Variants in ETV6 observed in about 807,000 individuals in gnomAD.
The protein encoded by ETV6 is transcription factor ETV6.
Under a neutral mutation model 51.1 loss-of-function variants are expected in ETV6, and 16 were observed. That is an observed-to-expected ratio of 0.31 (90% CI 0.21 to 0.48). The LOEUF is 0.48. ETV6 is among the 20% of genes least tolerant of loss of function. The pLI is 0.99. For missense variants in ETV6, 458 were observed against 594.8 expected, an observed-to-expected ratio of 0.77 and a Z score of 2.39; for synonymous variants, 240 against 224.1, an observed-to-expected ratio of 1.07 and a Z score of -0.64.
chr12:11,794,711 G>C (rs1428780749), intron 2 of ETV6, among the ~76,000 whole-genome samples: 2 of 152,148 alleles, frequency 1.3e-5, no homozygotes, highest in Non-Finnish European at 2.9e-5. Context: ...TCAGATTTGT[G>C]GGGATTAGTA....
chr12:11,809,334 AAGG>A (rs1013832862), intron 2 of ETV6, among the ~76,000 whole-genome samples: 1 of 152,114 alleles, frequency 6.6e-6, no homozygotes, highest in Non-Finnish European at 1.5e-5. Context: ...AAGAGGAAAA[AAGG>A]AGATGGTAGA....
chr12:11,790,898 C>T (rs1028899926), intron 2 of ETV6, among the ~76,000 whole-genome samples: 1 of 152,042 alleles, frequency 6.6e-6, no homozygotes, highest in Non-Finnish European at 1.5e-5. Flanking sequence ...GCATGTGGGT[C>T]TGGAACCCCT....
In ETV6 at chr12:11,844,990, C is replaced by T. The variant is rs146537657; in HGVS notation, c.328+5686C>T. 5.1e-4 allele frequency among the ~76,000 whole-genome samples: 77 copies of T among 152,238 alleles called. 1 individual carries two copies. Among genetic ancestry groups the T allele is most frequent in the African/African-American group, 1.8e-3 (73 of 41,552 alleles). On this transcript the variant is annotated intron_variant, in intron 3 of 7. Coordinates refer to ENST00000396373, the MANE Select transcript of ETV6 (RefSeq NM_001987.5). Reference sequence around the variant, plus strand: ...GGGACTACAGGCGTGCGCCACAACACCCAGCTAATTTTTGTATTTTAGTAG... The same window carrying T: ...GGGACTACAGGCGTGCGCCACAACATCCAGCTAATTTTTGTATTTTAGTAG...
At chr12:11,810,005 G>A (rs928346117) in intron 2 of ETV6, among the ~76,000 whole-genome samples, 7 of 151,866 alleles carry the variant, frequency 4.6e-5, no homozygotes, top group African/African-American at 1.7e-4. Flanking sequence ...ATTTTTAGGA[G>A]AGACAGGGTT....
intron 3 of ETV6, among the ~76,000 whole-genome samples, chr12:11,851,486 C>T (rs1946553838): frequency 6.6e-6 from 1 of 152,192 alleles, no homozygotes; most frequent in African/African-American, 2.4e-5. Context: ...CCCGCCTCAT[C>T]AGAGACATCA....
chr12:11,822,066 T>C (rs191200055), intron 2 of ETV6, among the ~76,000 whole-genome samples: 8 of 152,352 alleles, frequency 5.3e-5, no homozygotes, highest in Non-Finnish European at 4.4e-5. Context: ...CGTGCACGAA[T>C]GCACTAACTT....
chr12:11,749,102 GT>G (rs1198951548), intron 1 of ETV6, among the ~76,000 whole-genome samples: 2 of 152,052 alleles, frequency 1.3e-5, no homozygotes, highest in African/African-American at 4.8e-5. Context: ...AGAGCAGCGT[GT>G]TTTATTTTTT....
At chr12:11,665,697 A>G (rs1368801465) in intron 1 of ETV6, among the ~76,000 whole-genome samples, 1 of 152,210 alleles carries the variant, frequency 6.6e-6, no homozygotes, top group Non-Finnish European at 1.5e-5. Context: ...ATCCTGAGCA[A>G]ATACTCTGTG....
chr12:11,781,512 A>G (rs1945413768), intron 2 of ETV6, among the ~76,000 whole-genome samples: 1 of 152,230 alleles, frequency 6.6e-6, no homozygotes, highest in Non-Finnish European at 1.5e-5. Flanking sequence ...CAGCTTTGCC[A>G]TTTACCCAAA....
chr12:11,815,496 C>G (rs912859583), intron 2 of ETV6, among the ~76,000 whole-genome samples: 2 of 152,222 alleles, frequency 1.3e-5, no homozygotes, highest in Admixed American at 1.3e-4. Flanking sequence ...CAGAAGATCT[C>G]TATTCTGATC....
At chr12:11,697,053 AT>A (rs1483195589) in intron 1 of ETV6, among the ~76,000 whole-genome samples, 1 of 152,168 alleles carries the variant, frequency 6.6e-6, no homozygotes, top group Non-Finnish European at 1.5e-5. Flanking sequence ...AAATGAATAG[AT>A]TTCCTTCCTG....
chr12:11,785,346 C>T (rs1447621930), intron 2 of ETV6, among the ~76,000 whole-genome samples: 2 of 152,150 alleles, frequency 1.3e-5, no homozygotes, highest in African/African-American at 4.8e-5. Context: ...CATAGTAAAC[C>T]TCACCCCTTC....
intron 2 of ETV6, among the ~76,000 whole-genome samples, chr12:11,799,095 G>T (rs763113080): frequency 6.6e-5 from 10 of 152,174 alleles, no homozygotes; most frequent in Non-Finnish European, 1.3e-4. Context: ...TTTGGCTGCA[G>T]TCCCTTGACC....
chr12:11,835,256 T>C (rs183523813), intron 2 of ETV6, among the ~76,000 whole-genome samples: 2 of 152,336 alleles, frequency 1.3e-5, no homozygotes, highest in East Asian at 3.9e-4. Flanking sequence ...TGAAACTAAT[T>C]GGCATTAAAA....
intron 2 of ETV6, among the ~76,000 whole-genome samples, chr12:11,800,047 A>C (rs955111975): frequency 6.6e-6 from 1 of 152,194 alleles, no homozygotes; most frequent in Non-Finnish European, 1.5e-5. Context: ...CAGGGCTTAT[A>C]TTTGAGTTTC....
intron 3 of ETV6, among the ~76,000 whole-genome samples, chr12:11,844,606 G>A (rs1257775087): frequency 6.6e-6 from 1 of 152,142 alleles, no homozygotes; most frequent in Non-Finnish European, 1.5e-5. Flanking sequence ...GAAGGGCTGT[G>A]TCAACTGGCT....
At chr12:11,752,071 G>A (rs568572892) in intron 1 of ETV6, among the ~76,000 whole-genome samples, 39 of 152,292 alleles carry the variant, frequency 2.6e-4, no homozygotes, top group African/African-American at 9.1e-4. Flanking sequence ...TATAGTGATG[G>A]CATTAATTAT....
At chr12:11,847,765 C>T (rs1350280242) in intron 3 of ETV6, among the ~76,000 whole-genome samples, 1 of 152,046 alleles carries the variant, frequency 6.6e-6, no homozygotes, top group Admixed American at 6.5e-5. Context: ...TGGACAGCTC[C>T]CCTGGGAAGT....
chr12:11,888,405 T>C (rs1011660955), intron 7 of ETV6, among the ~76,000 whole-genome samples: 1 of 148,188 alleles, frequency 6.7e-6, no homozygotes, highest in Non-Finnish European at 1.5e-5. Context: ...TTTCTTTTTT[T>C]TTTTTTTTTA....
Sources: gnomAD v4.1 joint callset for allele counts (sites outside exome capture counted in the v4.1 genomes callset) on GRCh38, gnomAD v4.1.1 for gene constraint, MANE v1.5 for transcripts, NCBI Gene and HGNC (gene_info 2026-07-23, HGNC 2026-07-21) for gene names.